Variants in ELOC observed in about 807,000 individuals in gnomAD.
ELOC encodes the protein elongin C, also known as elongin-C.
For missense variants in ELOC, 38 were observed against 139.0 expected, an observed-to-expected ratio of 0.27 and a Z score of 3.65; for synonymous variants, 40 against 51.3, an observed-to-expected ratio of 0.78 and a Z score of 0.94.
chr8:73,956,199 T>G (rs1814173709), intron 2 of ELOC, 145 bp from the exon 3 acceptor site: 1 of 678,652 alleles, frequency 1.5e-6, no homozygotes, highest in Non-Finnish European at 2.5e-6. Flanking sequence ...AAGACCAGCC[T>G]GGTCAAACAA....
chr8:73,959,722 G>C lies in ELOC; in HGVS notation c.4+43C>G, dbSNP rs747287678. ...TTAAAGATCTTTGAAACAAAGTCCA[G>C]TTTCTACTAGTTAAAACACAAAATT... On this transcript the variant is annotated intron_variant, in intron 2 of 3. Coordinates refer to ENST00000520242, the MANE Select transcript of ELOC (RefSeq NM_005648.4). 3.4e-6 allele frequency: 5 copies of C among 1,491,056 alleles called. No individual in the cohort carries two copies. The African/African-American group carries it at 7.1e-5, about 21-fold the overall frequency. 92.4% of individuals were successfully genotyped at this position (1,491,056 alleles called of 1,614,324 possible). A position where few individuals can be genotyped will look rare whatever the true frequency, so the allele number is the denominator to read the frequency against.
intron 2 of ELOC, among the ~76,000 whole-genome samples, chr8:73,958,545 G>C (rs1027514672): frequency 6.6e-6 from 1 of 152,064 alleles, no homozygotes; most frequent in South Asian, 2.1e-4. Context: ...CATAAAAAGC[G>C]GGAGGAGCCA....
chr8:73,952,201 C>T lies in ELOC; in HGVS notation c.148+3710G>A, dbSNP rs530814063. ...AGTGGATCACTTGAGGCTAGGATTT[C>T]GAGACCAGCCTGGCCAACACGGTGA... On this transcript the variant is annotated intron_variant, in intron 3 of 3. Transcript: ENST00000520242. 1.1e-4 allele frequency among the ~76,000 whole-genome samples: 17 copies of T among 152,070 alleles called. No individual in the cohort carries two copies. The East Asian group carries it at 2.9e-3, about 26-fold the overall frequency.
intron 3 of ELOC, among the ~76,000 whole-genome samples, chr8:73,947,034 G>T (rs947776306): frequency 2.0e-5 from 3 of 152,240 alleles, no homozygotes; most frequent in African/African-American, 7.2e-5. Context: ...TGTCACCCAG[G>T]CTGAAGTGCA....
chr8:73,962,740 AAC>A (rs2131157578), intron 1 of ELOC, among the ~76,000 whole-genome samples: 1 of 152,342 alleles, frequency 6.6e-6, no homozygotes, highest in Non-Finnish European at 1.5e-5. Context: ...TTTGGGTAGC[AAC>A]AGTTTCTCTA....
chr8:73,966,409 T>A (rs1280103859), intron 1 of ELOC, among the ~76,000 whole-genome samples: 1 of 151,506 alleles, frequency 6.6e-6, no homozygotes, highest in East Asian at 1.9e-4. Context: ...AGGTGAGAGT[T>A]TGGGAAGTTG....
intron 3 of ELOC, among the ~76,000 whole-genome samples, chr8:73,948,368 T>G (rs1813521157): frequency 6.6e-6 from 1 of 152,140 alleles, no homozygotes; most frequent in African/African-American, 2.4e-5. Flanking sequence ...GGCAATCAAG[T>G]CTTTATGGAT....
At chr8:73,966,641 C>CTTT (rs75407672) in intron 1 of ELOC, among the ~76,000 whole-genome samples, 3 of 137,868 alleles carry the variant, frequency 2.2e-5, no homozygotes, top group African/African-American at 8.0e-5. Context: ...GCTAAAATTT[C>CTTT]TTTTTTTTTT....
intron 1 of ELOC, among the ~76,000 whole-genome samples, chr8:73,960,552 C>T (rs889996504): frequency 6.6e-6 from 1 of 152,166 alleles, no homozygotes; most frequent in African/African-American, 2.4e-5. Flanking sequence ...AGCCTTGTTG[C>T]TTATGACTCA....
rs761660045 is a variant in ELOC, at chr8:73,946,787, T to C, written c.182A>G (p.Asn61Ser). The C allele has an allele frequency of 1.2e-6, 2 of 1,613,146 alleles. No individual in the cohort carries two copies. The highest frequency in any genetic ancestry group is 8.5e-7 in the Non-Finnish European group (1 of 1,179,610). Residue 61 changes from asparagine to serine, a missense_variant, in exon 4 of 4, where the codon AAT (asparagine) becomes AGT (serine). Physicochemically the swap from Asn to Ser is conservative, Grantham distance 46. Coordinates refer to ENST00000520242, the MANE Select transcript of ELOC (RefSeq NM_005648.4). ...QFAENETNEV[N>S]FREIPSHVLS... ...CACATGTGAAGGTATCTCTCTAAAA[T>C]TGACCTCATTGGTTTCGTTCTCAGC...
intron 3 of ELOC, among the ~76,000 whole-genome samples, chr8:73,947,890 C>T (rs189605430): frequency 6.6e-6 from 1 of 152,150 alleles, no homozygotes; most frequent in East Asian, 1.9e-4. Context: ...TAAAAAAAAC[C>T]TTTACTAAAA....
At chr8:73,949,248 C>T (rs1445365139) in intron 3 of ELOC, among the ~76,000 whole-genome samples, 4 of 152,088 alleles carry the variant, frequency 2.6e-5, no homozygotes, top group Non-Finnish European at 2.9e-5. Context: ...AGGAGTACTG[C>T]GGGACTCAGC....
chr8:73,946,657 C>G lies in ELOC; in HGVS notation c.312G>C (p.Leu104=), dbSNP rs1254486369. ...PIAPEIALEL[L]MAANFLDC ...AACAATCTAAGAAGTTCGCAGCCAT[C>G]AGCAGTTCCAGTGCAATTTCAGGTG... Residue 104 remains leucine, a synonymous_variant, in exon 4 of 4, where the codon CTG becomes CTC. Coordinates refer to ENST00000520242, the MANE Select transcript of ELOC (RefSeq NM_005648.4). 1.2e-6 allele frequency: 2 copies of G among 1,604,036 alleles called. No individual in the cohort carries two copies. The highest frequency in any genetic ancestry group is 4.5e-5 in the East Asian group (2 of 44,670).
At chr8:73,952,549 G>C (rs1813848604) in intron 3 of ELOC, among the ~76,000 whole-genome samples, 1 of 150,332 alleles carries the variant, frequency 6.7e-6, no homozygotes, top group African/African-American at 2.4e-5. Flanking sequence ...GGGAGGCTGA[G>C]ATGGGCGGAT....
intron 2 of ELOC, among the ~76,000 whole-genome samples, chr8:73,956,640 C>G (rs2131117737): frequency 7.3e-6 from 1 of 136,622 alleles, no homozygotes; most frequent in African/African-American, 3.0e-5. Context: ...CCAAAGCAGC[C>G]CATTCAAATT....
At chr8:73,952,399 G>A (rs911808105) in intron 3 of ELOC, among the ~76,000 whole-genome samples, 6 of 146,160 alleles carry the variant, frequency 4.1e-5, no homozygotes, top group African/African-American at 7.6e-5. Flanking sequence ...ACAGCAAGAC[G>A]CTGTCTCAAA....
At chr8:73,962,097 T>C (rs1334136422) in intron 1 of ELOC, among the ~76,000 whole-genome samples, 3 of 152,114 alleles carry the variant, frequency 2.0e-5, no homozygotes, top group Non-Finnish European at 2.9e-5. Context: ...GGTTTCACCA[T>C]GTTGGCCAGG....
chr8:73,959,895 G>T, intron 1 of ELOC, 77 bp from the exon 2 acceptor site: 1 of 710,430 alleles, frequency 1.4e-6, no homozygotes, highest in South Asian at 3.3e-5. Context: ...TAATGTCCTT[G>T]GTGTTAAAAG....
At chr8:73,947,592 G>A (rs1483433826) in intron 3 of ELOC, among the ~76,000 whole-genome samples, 2 of 150,658 alleles carry the variant, frequency 1.3e-5, no homozygotes, top group African/African-American at 4.9e-5. Context: ...TCTTTTTTTT[G>A]ACATAGAGTC....
Sources: gnomAD v4.1 joint callset for allele counts (sites outside exome capture counted in the v4.1 genomes callset) on GRCh38, gnomAD v4.1.1 for gene constraint, MANE v1.5 for transcripts, NCBI Gene and HGNC (gene_info 2026-07-23, HGNC 2026-07-21) for gene names.